SLC17A1: variants seen among roughly 807,000 people sequenced by gnomAD.
SLC17A1 encodes the protein sodium-dependent phosphate transport protein 1.
In SLC17A1, 51 loss-of-function variants were observed where a neutral mutation model predicts 53.5. That is an observed-to-expected ratio of 0.95 (90% CI 0.76 to 1.20). SLC17A1 has a LOEUF of 1.20. SLC17A1 is among the 50% of genes most tolerant of loss of function. The probability of loss-of-function intolerance (pLI) is 0.00; values close to 1 mark genes in which losing one functional copy is unlikely to be tolerated. For missense variants in SLC17A1, 538 were observed against 568.2 expected, an observed-to-expected ratio of 0.95 and a Z score of 0.54; for synonymous variants, 179 against 198.8, an observed-to-expected ratio of 0.90 and a Z score of 0.84.
the SLC17A1 span, chr6:25,726,000 G>GC: frequency 1.3e-6 from 1 of 794,452 alleles, no homozygotes; most frequent in African/African-American, 1.7e-5. Flanking sequence ...TTTGTGACAG[G>GC]CAAGTAAGAT....
At chr6:25,778,086 C>A, downstream of SLC17A1, 1 of 1,157,832 alleles carries the variant, frequency 8.6e-7, no homozygotes, top group Non-Finnish European at 1.3e-6. Context: ...CACATATGCA[C>A]GGCCTTGTAT....
At chr6:25,733,981 G>T in the SLC17A1 span, among the ~76,000 whole-genome samples, 1 of 151,778 alleles carries the variant, frequency 6.6e-6, no homozygotes, top group Non-Finnish European at 1.5e-5. Context: ...TACCTGGCTA[G>T]TTTTTTGTAT....
chr6:25,757,335 C>T, the SLC17A1 span, among the ~76,000 whole-genome samples: 1 of 152,134 alleles, frequency 6.6e-6, no homozygotes, highest in Non-Finnish European at 1.5e-5. Flanking sequence ...TCACCAGCAC[C>T]TACTGCTTAT....
At chr6:25,825,855 A>G (rs2151506919) in intron 3 of SLC17A1, among the ~76,000 whole-genome samples, 1 of 152,134 alleles carries the variant, frequency 6.6e-6, no homozygotes, top group African/African-American at 2.4e-5. Context: ...TTGCATTTCA[A>G]CTTTGGGAGT....
chr6:25,744,965 G>C, the SLC17A1 span, among the ~76,000 whole-genome samples: 3,363 of 152,038 alleles, frequency 0.022, 55 homozygotes, highest in African/African-American at 0.047. Flanking sequence ...ATTGACATCT[G>C]AGCAAAGTTT....
At chr6:25,769,229 A>C in the SLC17A1 span, 1 of 1,548,506 alleles carries the variant, frequency 6.5e-7, no homozygotes, top group Non-Finnish European at 8.9e-7. Flanking sequence ...CTTTGACTCA[A>C]ATAATTTGAC....
chr6:25,742,110 G>GTTTT, the SLC17A1 span, among the ~76,000 whole-genome samples: 4 of 152,100 alleles, frequency 2.6e-5, no homozygotes, highest in African/African-American at 9.7e-5. Flanking sequence ...TGGTGCCAAG[G>GTTTT]TAAAACTACA....
intron 3 of SLC17A1, 38 bp from the exon 4 acceptor site, chr6:25,819,953 T>A: frequency 1.5e-6 from 2 of 1,372,690 alleles, no homozygotes; most frequent in Non-Finnish European, 2.0e-6. Context: ...TCACTCTGCA[T>A]ATCAGAAATT....
chr6:25,770,875 A>G, the SLC17A1 span: 1 of 1,399,052 alleles, frequency 7.1e-7, no homozygotes, highest in Admixed American at 1.7e-5. Context: ...AAGCACATAG[A>G]GCCCCAAGAC....
the SLC17A1 span, chr6:25,773,263 C>T: frequency 1.9e-6 from 3 of 1,603,828 alleles, no homozygotes; most frequent in African/African-American, 4.0e-5. Context: ...TAACTGGATC[C>T]CCTTTTCCTA....
At chr6:25,820,307 CCT>C (rs1198830629) in intron 3 of SLC17A1, among the ~76,000 whole-genome samples, 1 of 152,122 alleles carries the variant, frequency 6.6e-6, no homozygotes, top group Non-Finnish European at 1.5e-5. Context: ...TTTCCTCTTC[CCT>C]GTTTGCTTTC....
intron 10 of SLC17A1, among the ~76,000 whole-genome samples, chr6:25,805,265 A>T (rs1763915062): frequency 6.6e-6 from 1 of 152,112 alleles, no homozygotes; most frequent in Admixed American, 6.6e-5. Flanking sequence ...AAAACTATCC[A>T]AATACATGGA....
At chr6:25,809,179 T>C (rs1764061721) in intron 10 of SLC17A1, among the ~76,000 whole-genome samples, 1 of 152,024 alleles carries the variant, frequency 6.6e-6, no homozygotes, top group Non-Finnish European at 1.5e-5. Flanking sequence ...TTCTCAGTTA[T>C]AAAGTAAGAA....
intron 12 of SLC17A1, among the ~76,000 whole-genome samples, chr6:25,786,849 C>T: frequency 6.6e-6 from 1 of 152,096 alleles, no homozygotes; most frequent in East Asian, 1.9e-4. Flanking sequence ...TCACACCCCT[C>T]TCCCTGAAGG....
At chr6:25,776,979 C>T in the SLC17A1 span, 1 of 1,592,684 alleles carries the variant, frequency 6.3e-7, no homozygotes, top group Non-Finnish European at 8.6e-7. Context: ...TCTTTTGCCT[C>T]ATCCTTTCAG....
chr6:25,808,818 A>G (rs902518033), intron 10 of SLC17A1, among the ~76,000 whole-genome samples: 1 of 152,106 alleles, frequency 6.6e-6, no homozygotes, highest in Non-Finnish European at 1.5e-5. Flanking sequence ...GTAAATTAGT[A>G]CAACCTCTAT....
At chr6:25,726,796 C>T in the SLC17A1 span, 5 of 1,335,880 alleles carry the variant, frequency 3.7e-6, no homozygotes, top group Non-Finnish European at 5.1e-6. Context: ...CTTGGCGAGA[C>T]TTGGAGCTGA....
intron 2 of SLC17A1, among the ~76,000 whole-genome samples, chr6:25,829,273 AT>A (rs1168254624): frequency 2.6e-5 from 4 of 152,130 alleles, no homozygotes; most frequent in Non-Finnish European, 5.9e-5. Flanking sequence ...GATGTCAAAG[AT>A]TTACATGGTT....
At chr6:25,784,146 G>T (rs77401850) in intron 12 of SLC17A1, among the ~76,000 whole-genome samples, 1 of 152,014 alleles carries the variant, frequency 6.6e-6, no homozygotes, top group Non-Finnish European at 1.5e-5. Flanking sequence ...ACATTTTCTG[G>T]GTTTTCCAGT....
Sources: allele counts gnomAD v4.1 joint callset (sites outside exome capture counted in the v4.1 genomes callset), GRCh38; gene constraint gnomAD v4.1.1; transcripts MANE v1.5; gene names NCBI Gene and HGNC (gene_info 2026-07-23, HGNC 2026-07-21).